The following ZNF410 variants were observed in gnomAD, a reference collection of about 807,000 sequenced individuals.
The protein encoded by ZNF410 is zinc finger protein 410, also known as another partner for ARF 1.
ZNF410 carries 18 observed loss-of-function variants against 54.8 expected under a neutral mutation model. That is an observed-to-expected ratio of 0.33 (90% CI 0.23 to 0.49). ZNF410 has a LOEUF of 0.49. Ranked by LOEUF, ZNF410 falls within the 20% of genes least tolerant of loss-of-function variation. The pLI is 0.99. For missense variants in ZNF410, 405 were observed against 569.6 expected (o/e 0.71, Z 2.94); for synonymous variants, 191 against 207.3 (o/e 0.92, Z 0.68).
Position 73,923,510 on chromosome 14 carries a change from A to G in ZNF410, c.1386A>G (p.Val462=), listed in dbSNP as rs765552153. 6.2e-7 allele frequency: 1 copy of G among 1,613,002 alleles called. No homozygotes were observed. The highest frequency in any genetic ancestry group is 8.5e-7 in the Non-Finnish European group (1 of 1,179,534). ...QSYEVSVLTA[V]NPQELLNQGD... is the part of the protein sequence containing the mutation. ...ATGAAGTTTCTGTCTTAACTGCAGT[A>G]AATCCACAAGAGGTAAAGTGGTCTC... The change falls in exon 11 of 12, where the codon GTA becomes GTG. Residue 462 remains valine (V), a synonymous_variant. Transcript: ENST00000555044.
Position 73,897,961 on chromosome 14 carries a change from G to T in ZNF410, c.389-110G>T, listed in dbSNP as rs564406152. On this transcript the variant is annotated intron_variant, in intron 4 of 11. Coordinates refer to ENST00000555044, the MANE Select transcript of ZNF410 (RefSeq NM_021188.3). ...CACTCCAGCCTGGGTGACAGAGCGA[G>T]ACGCCGTCTCAAAAAAAAAAAAAAA... 46 of 1,018,486 alleles carry T rather than the reference G, an allele frequency of 4.5e-5. No homozygotes were observed. In the African/African-American group the frequency reaches 7.8e-4, roughly 17 times the overall value. The allele number at this position is 1,018,486 out of a possible 1,614,324, so 63.1% of individuals were successfully genotyped here.
At chr14:73,922,251 C>G in intron 10 of ZNF410, 45 bp downstream of exon 10, 1 of 1,592,266 alleles carries the variant, frequency 6.3e-7, no homozygotes, top group Non-Finnish European at 8.6e-7. Flanking sequence ...TGGGCTGCAA[C>G]TAGGGGCTAA....
At position 73,931,873 on chromosome 14, in the gene ZNF410, T is replaced by G. The variant is rs2055921086; in HGVS notation, c.*332T>G. On this transcript the variant is annotated 3_prime_UTR_variant, in exon 12 of 12. Transcript: ENST00000555044. ...TCATTCTGACTGTTGAGGGGAGGTTTTCCTTTGAAGAGTTTTCATCCCAGA... is the reference window on the plus strand; with the variant it reads ...TCATTCTGACTGTTGAGGGGAGGTTGTCCTTTGAAGAGTTTTCATCCCAGA... 3 of 444,646 alleles carry G rather than the reference T, an allele frequency of 6.7e-6. No individual in the cohort carries two copies. 27.5% of individuals were successfully genotyped at this position (444,646 alleles called of 1,614,324 possible).
chr14:73,924,573 C>T (rs761074715), intron 11 of ZNF410: 54 of 370,642 alleles, frequency 1.5e-4, no homozygotes, highest in Non-Finnish European at 2.6e-4. Context: ...GACTTCATCA[C>T]GAGCACATTT....
intron 5 of ZNF410, among the ~76,000 whole-genome samples, chr14:73,903,526 G>A (rs1431099709): frequency 6.6e-6 from 1 of 152,128 alleles, no homozygotes; most frequent in Non-Finnish European, 1.5e-5. Flanking sequence ...TTCTTGCTCT[G>A]TCACCCAGGC....
At chr14:73,905,968 C>CATATATATATATATATATATATATATAT (rs375039083) in intron 7 of ZNF410, among the ~76,000 whole-genome samples, 3 of 78,944 alleles carry the variant, frequency 3.8e-5, no homozygotes, top group African/African-American at 1.3e-4. Flanking sequence ...CACACACACA[C>CATATATATATATATATATATATATATAT]ATATATATAT....
chr14:73,898,427 C>A, intron 5 of ZNF410, 165 bp downstream of exon 5: 4 of 826,638 alleles, frequency 4.8e-6, no homozygotes, highest in South Asian at 1.9e-5. Context: ...ATAACTTGGT[C>A]ATGCCAGATT....
chr14:73,899,919 G>C (rs1168490124), intron 5 of ZNF410, among the ~76,000 whole-genome samples: 3 of 151,980 alleles, frequency 2.0e-5, no homozygotes, highest in African/African-American at 7.2e-5. Context: ...AAATAGGCTG[G>C]GCATTGTGGC....
rs1423199255 is a variant in ZNF410, at chr14:73,889,450, A to AG, written c.-150+2535_-150+2536insG. On this transcript the variant is annotated intron_variant, in intron 1 of 11. Transcript: ENST00000555044. ...CAGTCTCAAAAAAAAAAAAAAAAAAAAAAGAAATAGGGTCTCACTGTGTTG... is the reference window on the plus strand; with the variant it reads ...CAGTCTCAAAAAAAAAAAAAAAAAAAGAAAGAAATAGGGTCTCACTGTGTTG... Among the ~76,000 whole-genome samples the AG allele has an allele frequency of 1.9e-3, 274 of 146,822 alleles. 5 individuals carry two copies. The highest frequency in any genetic ancestry group is 2.7e-3 in the Non-Finnish European group (180 of 66,726).
intron 1 of ZNF410, among the ~76,000 whole-genome samples, chr14:73,889,186 G>A (rs1030232316): frequency 1.5e-4 from 22 of 151,520 alleles, no homozygotes; most frequent in African/African-American, 5.3e-4. Flanking sequence ...AGGAATTCTT[G>A]TTTTTTTTGA....
At chr14:73,893,715 A>T in intron 2 of ZNF410, 82 bp from the exon 3 acceptor site, 1 of 1,482,862 alleles carries the variant, frequency 6.7e-7, no homozygotes, top group Non-Finnish European at 9.0e-7. Flanking sequence ...GAACAGTCTT[A>T]ATATTATCTT....
In ZNF410 at chr14:73,893,870, T is replaced by C; in HGVS notation, c.107T>C (p.Ile36Thr). 3 of 1,614,146 alleles carry C rather than the reference T, an allele frequency of 1.9e-6. No homozygotes were observed. Among genetic ancestry groups the C allele is most frequent in the Non-Finnish European group, 1.7e-6 (2 of 1,180,018 alleles). ...QGLVESEAKD[I>T]TCLSLLPVTE... ...CTTGTAGAATCAGAAGCTAAAGATA[T>C]TACTTGCTTGTCCCTCCTTCCCGTG... The change falls in exon 3 of 12, where the codon ATT becomes ACT. Residue 36 changes from isoleucine to threonine, a missense_variant. Transcript: ENST00000555044.
At chr14:73,920,918 G>A (rs1199324909) in intron 8 of ZNF410, 62 bp from the exon 9 acceptor site, 1 of 1,603,196 alleles carries the variant, frequency 6.2e-7, no homozygotes, top group African/African-American at 1.3e-5. Flanking sequence ...CTCCATCTAG[G>A]TCTTGAGTTC....
At chr14:73,906,627 G>C (rs1363551775) in intron 7 of ZNF410, among the ~76,000 whole-genome samples, 1 of 152,088 alleles carries the variant, frequency 6.6e-6, no homozygotes, top group Non-Finnish European at 1.5e-5. Context: ...TTACAGGTGT[G>C]CACCACCACG....
At chr14:73,908,756 C>CT (rs1225970619) in intron 7 of ZNF410, among the ~76,000 whole-genome samples, 4 of 152,076 alleles carry the variant, frequency 2.6e-5, no homozygotes, top group African/African-American at 7.2e-5. Context: ...CAACGGAGCA[C>CT]TTTTTTTTGT....
intron 8 of ZNF410, among the ~76,000 whole-genome samples, chr14:73,918,684 G>T (rs2055706535): frequency 7.5e-6 from 1 of 132,802 alleles, no homozygotes; most frequent in African/African-American, 2.9e-5. Context: ...ATTTCATATG[G>T]CCTTTTTTTT....
In ZNF410 at chr14:73,892,085, A is replaced by G. The variant is rs776362558; in HGVS notation, c.-91A>G. The G allele has an allele frequency of 7.5e-7, 1 of 1,340,366 alleles. No individual in the cohort carries two copies. Among genetic ancestry groups the G allele is most frequent in the African/African-American group, 1.4e-5 (1 of 69,502 alleles). 83.0% of individuals were successfully genotyped at this position (1,340,366 alleles called of 1,614,324 possible). A position where few individuals can be genotyped will look rare whatever the true frequency, so the allele number is the denominator to read the frequency against. On this transcript the variant is annotated 5_prime_UTR_variant, in exon 2 of 12. Transcript: ENST00000555044. ...ACGGGAAGAGCATAGTATTTCCTAGAGGAATATGAACATAACAGGAAGGTA... is the reference window on the plus strand; with the variant it reads ...ACGGGAAGAGCATAGTATTTCCTAGGGGAATATGAACATAACAGGAAGGTA...
intron 7 of ZNF410, 68 bp downstream of exon 7, chr14:73,905,151 G>A (rs1362485887): frequency 1.3e-6 from 2 of 1,516,370 alleles, no homozygotes; most frequent in South Asian, 2.6e-5. Flanking sequence ...CTCTCCTTAG[G>A]AAAGACTCAA....
intron 8 of ZNF410, among the ~76,000 whole-genome samples, chr14:73,910,695 A>G (rs545553763): frequency 4.0e-5 from 6 of 150,650 alleles, no homozygotes; most frequent in African/African-American, 4.9e-5. Context: ...AGAGGTTGCA[A>G]TGAGCTGAGA....
Sources: gnomAD v4.1 joint callset for allele counts (sites outside exome capture counted in the v4.1 genomes callset) on GRCh38, gnomAD v4.1.1 for gene constraint, MANE v1.5 for transcripts, NCBI Gene and HGNC (gene_info 2026-07-23, HGNC 2026-07-21) for gene names.